Variants in BBS12 observed in about 807,000 individuals in gnomAD.
BBS12 encodes the protein chaperonin-containing T-complex member BBS12.
In BBS12, 5 loss-of-function variants were observed where a neutral mutation model predicts 5.6. The observed-to-expected ratio is 0.89, with a 90% confidence interval of 0.46 to 1.86. The LOEUF is 1.86. Ranked by LOEUF, BBS12 falls within the 40% of genes most tolerant of loss-of-function variation. BBS12 has a pLI of 0.01. For synonymous variants in BBS12, 308 were observed against 306.8 expected, an observed-to-expected ratio of 1.00 and a Z score of -0.04; for missense variants, 748 against 830.4, an observed-to-expected ratio of 0.90 and a Z score of 1.22.
chr4:122,738,295 C>A (rs573466522), intron 1 of BBS12, among the ~76,000 whole-genome samples: 1 of 152,074 alleles, frequency 6.6e-6, no homozygotes, highest in East Asian at 1.9e-4. Context: ...ACTGCAGGCT[C>A]CACCTCCCGG....
intron 1 of BBS12, among the ~76,000 whole-genome samples, chr4:122,736,043 C>A (rs891544702): frequency 1.3e-5 from 2 of 152,024 alleles, no homozygotes; most frequent in Admixed American, 6.6e-5. Flanking sequence ...ACAACTAGAA[C>A]AGAAACATTA....
At position 122,742,412 on chromosome 4, in the gene BBS12, C is replaced by A. The variant is rs760632240; in HGVS notation, c.520C>A (p.His174Asn). 1 of 1,614,218 alleles carries A rather than the reference C, an allele frequency of 6.2e-7. No homozygotes were observed. Among genetic ancestry groups the A allele is most frequent in the South Asian group, 1.1e-5 (1 of 91,082 alleles). Residue 174 changes from histidine to asparagine, a missense_variant, in exon 2 of 2, where the codon CAT becomes AAT. Transcript: ENST00000314218. The stretch of plus-strand genomic sequence containing the variant: ...AGATACTGATTTGATAGAGGAATTG[C>A]ATGGTCTCAAAGATGTTGCCTCTCA... ...PSDTDLIEEL[H>N]GLKDVASQTL...
chr4:122,732,677 A>T (rs149872106), upstream of BBS12: 11 of 152,538 alleles, frequency 7.2e-5, no homozygotes, highest in African/African-American at 2.4e-4. Flanking sequence ...GCCCGGCGTT[A>T]AGCGGAACTT....
At chr4:122,703,973 C>G in the BBS12 span, among the ~76,000 whole-genome samples, 4 of 152,146 alleles carry the variant, frequency 2.6e-5, no homozygotes, top group Admixed American at 1.3e-4. Flanking sequence ...CTCAGCCTCT[C>G]GAACAGCTGG....
the BBS12 span, among the ~76,000 whole-genome samples, chr4:122,702,087 AT>A: frequency 4.9e-4 from 74 of 152,098 alleles, no homozygotes; most frequent in African/African-American, 1.7e-3. Context: ...GAAACAATAT[AT>A]TTTTTTTAAG....
At chr4:122,740,667 G>A (rs192512054) in intron 1 of BBS12, among the ~76,000 whole-genome samples, 39 of 152,318 alleles carry the variant, frequency 2.6e-4, no homozygotes, top group Admixed American at 1.1e-3. Context: ...TGAATGAAAC[G>A]AAGGAATGAC....
rs939334398 is a variant in BBS12, at chr4:122,743,766, A to G, written c.1874A>G (p.Asn625Ser). 4.3e-6 allele frequency: 7 copies of G among 1,614,222 alleles called. No individual in the cohort carries two copies. Among genetic ancestry groups the G allele is most frequent in the Non-Finnish European group, 5.1e-6 (6 of 1,180,030 alleles). ...ACATACATTCAACATCATCTGCAAAATGCCACAGACTCTGGCTCTCCTTCA... is the reference window on the plus strand; with the variant it reads ...ACATACATTCAACATCATCTGCAAAGTGCCACAGACTCTGGCTCTCCTTCA... ...ASTYIQHHLQNATDSGSPSSY... is the reference protein window; with the variant it reads ...ASTYIQHHLQSATDSGSPSSY... Residue 625 changes from asparagine to serine, a missense_variant, in exon 2 of 2, where the codon AAT (asparagine) becomes AGT (serine). By Grantham distance (46) the Asn-to-Ser change is conservative (BLOSUM62 1). Transcript: ENST00000314218.
chr4:122,717,053 T>C, the BBS12 span, among the ~76,000 whole-genome samples: 1 of 152,118 alleles, frequency 6.6e-6, no homozygotes, highest in Non-Finnish European at 1.5e-5. Context: ...CATGCTCCAT[T>C]GTATGGGACC....
chr4:122,705,808 A>G, the BBS12 span, among the ~76,000 whole-genome samples: 1 of 152,250 alleles, frequency 6.6e-6, no homozygotes, highest in East Asian at 1.9e-4. Context: ...GTTGCAGTCC[A>G]AAACTTCATT....
Position 122,744,102 on chromosome 4 carries a change from A to T in BBS12, c.*77A>T. The T allele has an allele frequency of 6.9e-7, 1 of 1,455,438 alleles. No homozygotes were observed. The highest frequency in any genetic ancestry group is 2.3e-5 in the East Asian group (1 of 43,304). 90.2% of individuals were successfully genotyped at this position (1,455,438 alleles called of 1,614,324 possible). A position where few individuals can be genotyped will look rare whatever the true frequency, so the allele number is the denominator to read the frequency against. On this transcript the variant is annotated 3_prime_UTR_variant, in exon 2 of 2. Coordinates refer to ENST00000314218, the MANE Select transcript of BBS12 (RefSeq NM_152618.3). ...TAATAAATATATTGATAGCCAAGTC[A>T]TGGTGCCTAAAATGCCAGCTATTGC...
upstream of BBS12, among the ~76,000 whole-genome samples, chr4:122,727,934 C>T (rs1371907645): frequency 6.6e-6 from 1 of 151,990 alleles, no homozygotes; most frequent in Admixed American, 6.6e-5. Context: ...AGAGTCTAAA[C>T]ATGTGAAAAA....
the BBS12 span, among the ~76,000 whole-genome samples, chr4:122,716,656 TGCAC>T: frequency 0.017 from 1,330 of 77,910 alleles, 107 homozygotes; most frequent in Middle Eastern, 0.036. Context: ...TGTGTGTATA[TGCAC>T]ATACACATAT....
At chr4:122,701,933 C>T in the BBS12 span, among the ~76,000 whole-genome samples, 1 of 152,264 alleles carries the variant, frequency 6.6e-6, no homozygotes, top group South Asian at 2.1e-4. Context: ...CCACTAATCC[C>T]AAGCTTCTCC....
At chr4:122,724,511 G>GTT in the BBS12 span, among the ~76,000 whole-genome samples, 2 of 152,156 alleles carry the variant, frequency 1.3e-5, no homozygotes, top group African/African-American at 4.8e-5. Context: ...ATAAGATACA[G>GTT]TCTCAGACTC....
At chr4:122,733,859 C>CTTTTTTTTTTTTTTTTTTTTTTT (rs35729794) in intron 1 of BBS12, 2 of 97,130 alleles carry the variant, frequency 2.1e-5, no homozygotes, top group South Asian at 4.0e-4. Context: ...TAACTTTAGT[C>CTTTTTTTTTTTTTTTTTTTTTTT]TTTTTTTTTT....
chr4:122,734,393 A>C (rs1418154928), intron 1 of BBS12, among the ~76,000 whole-genome samples: 1 of 151,880 alleles, frequency 6.6e-6, no homozygotes, highest in Non-Finnish European at 1.5e-5. Context: ...AGCCTCCCGA[A>C]TAGCTGGGAG....
the BBS12 span, among the ~76,000 whole-genome samples, chr4:122,726,371 C>T: frequency 2.0e-5 from 3 of 152,054 alleles, no homozygotes; most frequent in East Asian, 1.9e-4. Context: ...AACCACAATG[C>T]GATACCACTT....
upstream of BBS12, chr4:122,729,246 A>C (rs1395620552): frequency 6.6e-6 from 1 of 152,332 alleles, no homozygotes; most frequent in African/African-American, 2.4e-5. Flanking sequence ...AAACAGAGGA[A>C]GATATTACTA....
the BBS12 span, among the ~76,000 whole-genome samples, chr4:122,715,885 G>T: frequency 6.6e-6 from 1 of 152,094 alleles, no homozygotes; most frequent in Non-Finnish European, 1.5e-5. Flanking sequence ...TTTTGTTTAT[G>T]TCAGTTTTTC....
Sources: gnomAD v4.1 joint callset for allele counts (sites outside exome capture counted in the v4.1 genomes callset) on GRCh38, gnomAD v4.1.1 for gene constraint, MANE v1.5 for transcripts, NCBI Gene and HGNC (gene_info 2026-07-23, HGNC 2026-07-21) for gene names.